Variants in MECOM observed in about 807,000 individuals in gnomAD.
The protein encoded by MECOM is MDS1 and EVI1 complex locus.
In MECOM, 13 loss-of-function variants were observed where a neutral mutation model predicts 116.3. That is an observed-to-expected ratio of 0.11 (90% CI 0.07 to 0.18). The LOEUF (loss-of-function observed/expected upper bound fraction) is 0.18, where lower values mean the gene tolerates loss of function less well. Among genes scored for constraint, MECOM ranks in the 10% least tolerant of loss-of-function variants. The pLI is 1.00. For synonymous variants in MECOM, 528 were observed against 535.2 expected (o/e 0.99, Z 0.19); for missense variants, 1,299 against 1,509.0 (o/e 0.86, Z 2.31).
At chr3:169,640,152 T>C (rs1014584236) in intron 1 of MECOM, among the ~76,000 whole-genome samples, 15 of 149,066 alleles carry the variant, frequency 1.0e-4, no homozygotes, top group Non-Finnish European at 2.1e-4. Context: ...TTAAGATATT[T>C]TATTAAAATT....
At chr3:169,587,582 A>T (rs1446841698) in intron 1 of MECOM, among the ~76,000 whole-genome samples, 1 of 152,108 alleles carries the variant, frequency 6.6e-6, no homozygotes, top group African/African-American at 2.4e-5. Flanking sequence ...GGGAGGGGAG[A>T]TGCAAATATT....
chr3:169,223,659 A>G (rs1752393425), intron 2 of MECOM, among the ~76,000 whole-genome samples: 1 of 152,184 alleles, frequency 6.6e-6, no homozygotes, highest in Non-Finnish European at 1.5e-5. Flanking sequence ...AGTTTGTCCT[A>G]GTTCTACTTT....
At chr3:169,560,350 G>A (rs932023650) in intron 1 of MECOM, among the ~76,000 whole-genome samples, 6 of 152,182 alleles carry the variant, frequency 3.9e-5, no homozygotes, top group African/African-American at 1.2e-4. Context: ...TCTGCCAAAG[G>A]TGACTTAGAT....
intron 1 of MECOM, among the ~76,000 whole-genome samples, chr3:169,590,349 A>C (rs571011160): frequency 2.6e-5 from 4 of 152,210 alleles, no homozygotes; most frequent in Non-Finnish European, 5.9e-5. Context: ...CAACAGCAAG[A>C]GATATTTTGG....
At chr3:169,192,839 T>C (rs1329547558) in intron 2 of MECOM, among the ~76,000 whole-genome samples, 1 of 152,092 alleles carries the variant, frequency 6.6e-6, no homozygotes, top group Non-Finnish European at 1.5e-5. Context: ...GAAGGTGATG[T>C]CATGCATTCA....
intron 2 of MECOM, among the ~76,000 whole-genome samples, chr3:169,368,308 A>G (rs926384242): frequency 6.6e-6 from 1 of 152,090 alleles, no homozygotes; most frequent in Non-Finnish European, 1.5e-5. Context: ...AGCTGAAATA[A>G]TTCATTTTAA....
At chr3:169,631,639 G>A (rs1160090476) in intron 1 of MECOM, among the ~76,000 whole-genome samples, 1 of 123,328 alleles carries the variant, frequency 8.1e-6, no homozygotes, top group Non-Finnish European at 1.6e-5. Flanking sequence ...TGTCCCCAGA[G>A]TGTGATGTTC....
intron 2 of MECOM, among the ~76,000 whole-genome samples, chr3:169,266,028 A>C (rs918746426): frequency 2.0e-5 from 3 of 152,192 alleles, no homozygotes; most frequent in African/African-American, 7.2e-5. Flanking sequence ...CAAGAACAAA[A>C]TCTATACACA....
intron 2 of MECOM, among the ~76,000 whole-genome samples, chr3:169,225,679 A>G (rs1026560584): frequency 3.9e-5 from 6 of 152,168 alleles, no homozygotes; most frequent in African/African-American, 1.2e-4. Flanking sequence ...GTGCGATCTC[A>G]GCTCACCGCA....
chr3:169,513,343 G>A, intron 1 of MECOM, among the ~76,000 whole-genome samples: 1 of 152,196 alleles, frequency 6.6e-6, no homozygotes, highest in East Asian at 1.9e-4. Flanking sequence ...ATGACAAACT[G>A]GACTTACGGT....
At chr3:169,477,649 C>T (rs1750693340) in intron 1 of MECOM, among the ~76,000 whole-genome samples, 1 of 152,162 alleles carries the variant, frequency 6.6e-6, no homozygotes, top group Non-Finnish European at 1.5e-5. Context: ...GCCCAAACAC[C>T]TTTCTTCTTA....
intron 1 of MECOM, among the ~76,000 whole-genome samples, chr3:169,654,830 AC>A (rs1560540651): frequency 1.3e-5 from 2 of 151,656 alleles, no homozygotes; most frequent in African/African-American, 2.4e-5. Flanking sequence ...ACACACACAC[AC>A]ACACACACAC....
chr3:169,453,927 A>T (rs1229383646), intron 1 of MECOM, among the ~76,000 whole-genome samples: 2 of 152,150 alleles, frequency 1.3e-5, no homozygotes, highest in Admixed American at 1.3e-4. Flanking sequence ...TAATAAAAAA[A>T]AAACTCTGTT....
chr3:169,328,153 C>T (rs2149767326), intron 2 of MECOM, among the ~76,000 whole-genome samples: 1 of 152,268 alleles, frequency 6.6e-6, no homozygotes, highest in African/African-American at 2.4e-5. Flanking sequence ...TGGCTTCTCA[C>T]CACCCCTGAT....
At chr3:169,214,012 G>C (rs551189747) in intron 2 of MECOM, among the ~76,000 whole-genome samples, 64 of 152,132 alleles carry the variant, frequency 4.2e-4, no homozygotes, top group African/African-American at 1.4e-3. Flanking sequence ...AAGTGATTGA[G>C]AACAAAGAAT....
intron 1 of MECOM, among the ~76,000 whole-genome samples, chr3:169,502,538 T>G (rs1578280951): frequency 2.0e-5 from 3 of 152,112 alleles, no homozygotes; most frequent in African/African-American, 7.2e-5. Context: ...AACACCCTTT[T>G]ACACATCAAA....
chr3:169,579,465 G>A (rs569571699), intron 1 of MECOM, among the ~76,000 whole-genome samples: 15 of 152,264 alleles, frequency 9.9e-5, no homozygotes, highest in Admixed American at 5.9e-4. Flanking sequence ...GACTGTGAAA[G>A]AAAACTTGAG....
At chr3:169,104,660 TCATAGAAA>T (rs1724731056) in intron 10 of MECOM, among the ~76,000 whole-genome samples, 1 of 152,218 alleles carries the variant, frequency 6.6e-6, no homozygotes, top group Non-Finnish European at 1.5e-5. Context: ...ACAAAACATC[TCATAGAAA>T]CACGTTTCCT....
rs550949087 is a variant in MECOM, at chr3:169,464,246, A to G, written c.38-82722T>C. 2.2e-4 allele frequency: 33 copies of G among 152,270 alleles called. 1 individual carries two copies. The East Asian group carries it at 6.4e-3, about 29-fold the overall frequency. 9.4% of individuals were successfully genotyped at this position (152,270 alleles called of 1,614,324 possible). A position where few individuals can be genotyped will look rare whatever the true frequency, so the allele number is the denominator to read the frequency against. ...TTCCAAAGCAGTTGAGACACGGAAC[A>G]TTTTTGTTTTGAAAGCATTTCAAAA... On this transcript the variant is annotated intron_variant, in intron 1 of 16. Transcript: ENST00000651503.
Sources: gnomAD v4.1 joint callset for allele counts (sites outside exome capture counted in the v4.1 genomes callset) on GRCh38, gnomAD v4.1.1 for gene constraint, MANE v1.5 for transcripts, NCBI Gene and HGNC (gene_info 2026-07-23, HGNC 2026-07-21) for gene names.